EFNA5: variants seen among roughly 807,000 people sequenced by gnomAD.
EFNA5 encodes the protein ephrin A5, also known as ephrin-A5.
EFNA5 carries 5 observed loss-of-function variants against 22.9 expected under a neutral mutation model. That is an observed-to-expected ratio of 0.22 (90% CI 0.11 to 0.46). The LOEUF is 0.46. Among genes scored for constraint, EFNA5 ranks in the 20% least tolerant of loss-of-function variants. The pLI is 0.99. For missense variants in EFNA5, 237 were observed against 293.3 expected (o/e 0.81, Z 1.40); for synonymous variants, 113 against 112.2 (o/e 1.01, Z -0.04).
At chr5:107,508,246 C>G (rs1460645292) in intron 1 of EFNA5, among the ~76,000 whole-genome samples, 3 of 152,166 alleles carry the variant, frequency 2.0e-5, no homozygotes, top group East Asian at 3.9e-4. Flanking sequence ...CTTCTTGGAA[C>G]AGAACTGAAA....
chr5:107,388,853 TTC>T (rs1301904106), intron 2 of EFNA5, among the ~76,000 whole-genome samples: 1 of 152,206 alleles, frequency 6.6e-6, no homozygotes, highest in Non-Finnish European at 1.5e-5. Flanking sequence ...TTGGTGTGTC[TTC>T]TCTCTCCTTT....
intron 1 of EFNA5, among the ~76,000 whole-genome samples, chr5:107,660,651 C>T (rs749979896): frequency 6.6e-6 from 1 of 151,958 alleles, no homozygotes; most frequent in Admixed American, 6.6e-5. Context: ...ACTTGTGATA[C>T]AAAATACCTG....
chr5:107,655,373 T>C (rs892574473), intron 1 of EFNA5, among the ~76,000 whole-genome samples: 2 of 152,176 alleles, frequency 1.3e-5, no homozygotes, highest in African/African-American at 4.8e-5. Flanking sequence ...AAGGTAAATC[T>C]AGCTTTCCTA....
At chr5:107,504,494 T>TG (rs1436539678) in intron 1 of EFNA5, among the ~76,000 whole-genome samples, 1 of 152,188 alleles carries the variant, frequency 6.6e-6, no homozygotes, top group Non-Finnish European at 1.5e-5. Context: ...TTTATAGAAA[T>TG]AGAAAATGCA....
At position 107,381,366 on chromosome 5, in the gene EFNA5, T is replaced by C. The variant is rs1380675212; in HGVS notation, c.576A>G (p.Val192=). The change falls in exon 5 of 5, where the codon GTA becomes GTG. Residue 192 remains valine, a synonymous_variant. Transcript: ENST00000333274. Reference sequence around the variant, plus strand: ...CGCGGGATGGCTCGGCTGACTCATGTACGGTGTCATCTGTTCAAATAGAAA... The same window carrying C: ...CGCGGGATGGCTCGGCTGACTCATGCACGGTGTCATCTGTTCAAATAGAAA... The part of the protein sequence containing the change: ...ENSLEPADDT[V]HESAEPSRGE... 2.4e-5 allele frequency: 38 copies of C among 1,613,072 alleles called. No homozygotes were observed. Among genetic ancestry groups the C allele is most frequent in the Non-Finnish European group, 2.9e-5 (34 of 1,179,282 alleles).
intron 1 of EFNA5, among the ~76,000 whole-genome samples, chr5:107,484,131 T>A (rs1339233600): frequency 6.6e-6 from 1 of 152,186 alleles, no homozygotes; most frequent in Non-Finnish European, 1.5e-5. Flanking sequence ...TCATGGTAAC[T>A]CCTAATTAGT....
chr5:107,474,303 A>G (rs1422521126), intron 1 of EFNA5, among the ~76,000 whole-genome samples: 2 of 152,178 alleles, frequency 1.3e-5, no homozygotes, highest in Admixed American at 6.5e-5. Context: ...ATTAGCCATG[A>G]AAGTTTGCAT....
At chr5:107,481,727 G>A (rs1393585793) in intron 1 of EFNA5, among the ~76,000 whole-genome samples, 1 of 151,822 alleles carries the variant, frequency 6.6e-6, no homozygotes, top group Non-Finnish European at 1.5e-5. Flanking sequence ...GCACACACCT[G>A]TAATCCCTGC....
chr5:107,526,880 A>T (rs562371074), intron 1 of EFNA5, among the ~76,000 whole-genome samples: 27 of 152,246 alleles, frequency 1.8e-4, no homozygotes, highest in Admixed American at 1.2e-3. Flanking sequence ...CCATTAGAAA[A>T]GTCTACAAGT....
At chr5:107,634,946 C>T (rs924265297) in intron 1 of EFNA5, among the ~76,000 whole-genome samples, 4 of 152,160 alleles carry the variant, frequency 2.6e-5, no homozygotes, top group Non-Finnish European at 5.9e-5. Context: ...AAAAGAAACG[C>T]ATTTAACTTA....
chr5:107,450,986 G>A (rs990507905), intron 1 of EFNA5, among the ~76,000 whole-genome samples: 3 of 152,198 alleles, frequency 2.0e-5, no homozygotes, highest in African/African-American at 7.2e-5. Flanking sequence ...TAATCCCTTG[G>A]GAAGTCAGAC....
rs1161584694 is a variant in EFNA5 at position 107,668,028 on chromosome 5, A to C, written c.125+2461T>G. ...CATCTTATTCAACACTTCAGAGATAAAACTGCCTACTTTTAAAATATTGTT... is the reference window on the plus strand; with the variant it reads ...CATCTTATTCAACACTTCAGAGATACAACTGCCTACTTTTAAAATATTGTT... On this transcript the variant is annotated intron_variant, in intron 1 of 4. Coordinates refer to ENST00000333274, the MANE Select transcript of EFNA5 (RefSeq NM_001962.3). Among the ~76,000 whole-genome samples, 8 of 152,312 alleles carry C rather than the reference A, an allele frequency of 5.3e-5. No homozygotes were observed. In the East Asian group the frequency reaches 1.5e-3, roughly 29 times the overall value.
At chr5:107,481,510 T>C (rs1750459208) in intron 1 of EFNA5, among the ~76,000 whole-genome samples, 1 of 152,196 alleles carries the variant, frequency 6.6e-6, no homozygotes, top group Non-Finnish European at 1.5e-5. Flanking sequence ...TGCTGATGGT[T>C]GGCAGTGAGG....
intron 1 of EFNA5, among the ~76,000 whole-genome samples, chr5:107,459,449 AG>A (rs1356531921): frequency 6.6e-6 from 1 of 152,098 alleles, no homozygotes; most frequent in Admixed American, 6.6e-5. Flanking sequence ...AGATGGTTAA[AG>A]TGAAGTGGGC....
At chr5:107,636,461 G>A (rs1484917812) in intron 1 of EFNA5, among the ~76,000 whole-genome samples, 2 of 152,172 alleles carry the variant, frequency 1.3e-5, no homozygotes, top group Non-Finnish European at 2.9e-5. Context: ...AAAACGGTGA[G>A]AAACTTCAGG....
At chr5:107,593,164 G>A (rs1749409631) in intron 1 of EFNA5, among the ~76,000 whole-genome samples, 1 of 152,124 alleles carries the variant, frequency 6.6e-6, no homozygotes, top group African/African-American at 2.4e-5. Context: ...GCAGCTGAGT[G>A]AGCCCATGAC....
chr5:107,598,091 T>C (rs555434969), intron 1 of EFNA5, among the ~76,000 whole-genome samples: 3 of 152,284 alleles, frequency 2.0e-5, no homozygotes, highest in Non-Finnish European at 2.9e-5. Context: ...AATCATAAAG[T>C]AATATATGTA....
chr5:107,600,058 C>A (rs1158165925), intron 1 of EFNA5, among the ~76,000 whole-genome samples: 2 of 152,166 alleles, frequency 1.3e-5, no homozygotes, highest in South Asian at 4.1e-4. Context: ...GACAGAAGAA[C>A]CTGGATGCTA....
intron 2 of EFNA5, among the ~76,000 whole-genome samples, chr5:107,395,031 G>GTTTTTTTTTTTTTTT (rs1257797158): frequency 6.9e-5 from 2 of 28,836 alleles, no homozygotes; most frequent in Non-Finnish European, 1.5e-4. Context: ...AGGATTTCTA[G>GTTTTTTTTTTTTTTT]TTCTTTTTTT....
Sources: gnomAD v4.1 joint callset for allele counts (sites outside exome capture counted in the v4.1 genomes callset) on GRCh38, gnomAD v4.1.1 for gene constraint, MANE v1.5 for transcripts, NCBI Gene and HGNC (gene_info 2026-07-23, HGNC 2026-07-21) for gene names.